Variants in PNPLA7 observed in about 807,000 individuals in gnomAD.
PNPLA7 encodes the protein patatin like domain 7, lysophospholipase.
Under a neutral mutation model 161.7 loss-of-function variants are expected in PNPLA7, and 153 were observed. The ratio of observed to expected loss-of-function variants is 0.95; its 90% confidence interval spans 0.83 to 1.08. The LOEUF (loss-of-function observed/expected upper bound fraction) is 1.08, where lower values mean the gene tolerates loss of function less well. Ranked by LOEUF, PNPLA7 falls within the 50% of genes least tolerant of loss-of-function variation. PNPLA7 has a pLI of 0.00. For missense variants in PNPLA7, 1,739 were observed against 1,856.6 expected, an observed-to-expected ratio of 0.94 and a Z score of 1.16; for synonymous variants, 809 against 782.1, an observed-to-expected ratio of 1.03 and a Z score of -0.57.
Position 137,476,202 on chromosome 9 carries a change from G to A in PNPLA7, c.2882+1832C>T, listed in dbSNP as rs556146476. ...AGTGGTATGTCCGAACATACCGAGA[G>A]GAGGTTAATGCCTGCCTCAGTGTCT... On this transcript the variant is annotated intron_variant, in intron 25 of 34. Coordinates refer to ENST00000406427, the MANE Select transcript of PNPLA7 (RefSeq NM_001098537.3). The surrounding 1 kb of genome is among the most constrained non-coding windows in gnomAD (Gnocchi z 4.5). Among the ~76,000 whole-genome samples, 64 of 152,314 alleles carry A rather than the reference G, an allele frequency of 4.2e-4. No homozygotes were observed. The highest frequency in any genetic ancestry group is 1.3e-3 in the African/African-American group (56 of 41,578).
chr9:137,492,415 G>T, intron 20 of PNPLA7: 8 of 189,804 alleles, frequency 4.2e-5, no homozygotes, highest in Non-Finnish European at 7.2e-5. Context: ...TTGAGATACA[G>T]TTTGAAAAAA....
intron 15 of PNPLA7, 75 bp downstream of exon 15, chr9:137,501,575 C>T (rs1330052520): frequency 1.4e-6 from 2 of 1,432,108 alleles, no homozygotes; most frequent in Non-Finnish European, 9.6e-7. Flanking sequence ...AGTCCAGGCC[C>T]TCCTCTGGTG....
chr9:137,502,253 A>G (rs927191003), intron 14 of PNPLA7, among the ~76,000 whole-genome samples: 8 of 152,136 alleles, frequency 5.3e-5, no homozygotes, highest in African/African-American at 1.9e-4. Context: ...AGGGTGAGGG[A>G]GCGTCTGCGG....
chr9:137,517,111 A>C (rs1588660282), intron 11 of PNPLA7, among the ~76,000 whole-genome samples: 1 of 117,668 alleles, frequency 8.5e-6, no homozygotes, highest in African/African-American at 3.3e-5. Context: ...TCCCTCACTC[A>C]CTCACTCCAC....
In PNPLA7 at chr9:137,500,805, C is replaced by T. The variant is rs778567963; in HGVS notation, c.1643G>A (p.Arg548His). 9.1e-5 allele frequency: 147 copies of T among 1,609,042 alleles called. No homozygotes were observed. The highest frequency in any genetic ancestry group is 1.2e-4 in the African/African-American group (9 of 74,912). The change falls in exon 16 of 35, where the codon CGC becomes CAC. Residue 548 changes from arginine (R) to histidine (H), a missense_variant. Transcript: ENST00000406427. The surrounding 1 kb of genome is among the most constrained non-coding windows in gnomAD (Gnocchi z 5.5). ...SQEDTCLFLT[R>H]PGEMVGQLAV... ...CAGCTGGCCCACCATCTCCCCGGGGCGCGTGAGGAACAAGCAGGTGTCCTC... is the reference window on the plus strand; with the variant it reads ...CAGCTGGCCCACCATCTCCCCGGGGTGCGTGAGGAACAAGCAGGTGTCCTC...
intron 20 of PNPLA7, among the ~76,000 whole-genome samples, chr9:137,489,872 C>T (rs927679918): frequency 3.3e-5 from 5 of 152,130 alleles, no homozygotes; most frequent in Non-Finnish European, 1.5e-5. Flanking sequence ...GACAATAACG[C>T]GAGGTCTAAC....
At chr9:137,516,809 C>A (rs1393482703) in intron 11 of PNPLA7, among the ~76,000 whole-genome samples, 1 of 151,032 alleles carries the variant, frequency 6.6e-6, no homozygotes, top group Non-Finnish European at 1.5e-5. Flanking sequence ...AAGAGCAAAA[C>A]CCTGTCTCAA....
At chr9:137,463,376 C>G (rs1391291911) in intron 29 of PNPLA7, 39 bp downstream of exon 29, 2 of 1,540,950 alleles carry the variant, frequency 1.3e-6, no homozygotes, top group Non-Finnish European at 1.8e-6. Context: ...GACCCAGGAG[C>G]CTGTGCTCCT....
intron 21 of PNPLA7, 46 bp downstream of exon 21, chr9:137,484,541 G>A (rs779685845): frequency 1.0e-5 from 16 of 1,528,312 alleles, no homozygotes; most frequent in Non-Finnish European, 1.2e-5. Context: ...CCCTCCACCA[G>A]GCCCAGAACC....
At position 137,523,263 on chromosome 9, in the gene PNPLA7, G is replaced by C. The variant is rs953405740; in HGVS notation, c.748-406C>G. 2.7e-4 allele frequency among the ~76,000 whole-genome samples: 40 copies of C among 150,658 alleles called. 1 individual carries two copies. Among genetic ancestry groups the C allele is most frequent in the Non-Finnish European group, 4.3e-4 (29 of 67,522 alleles). On this transcript the variant is annotated intron_variant, in intron 8 of 34. Transcript: ENST00000406427. The surrounding 1 kb of genome is among the most constrained non-coding windows in gnomAD (Gnocchi z 4.4). ...GCGTGCCAGACACCAACCTGAGCGG[G>C]CTTCCTAAAAAGGCCACCGAGAGGG...
intron 20 of PNPLA7, 93 bp downstream of exon 20, chr9:137,492,920 G>A: frequency 9.0e-7 from 1 of 1,105,332 alleles, no homozygotes; most frequent in Non-Finnish European, 1.3e-6. Context: ...GCGGGGCCAT[G>A]GGCTGGGAGG....
chr9:137,510,315 T>C (rs1386937241), intron 12 of PNPLA7, among the ~76,000 whole-genome samples: 1 of 152,214 alleles, frequency 6.6e-6, no homozygotes, highest in Non-Finnish European at 1.5e-5. Context: ...TGTGATGCTG[T>C]GCTTCAGTGG....
intron 4 of PNPLA7, among the ~76,000 whole-genome samples, chr9:137,546,218 G>A (rs755601250): frequency 1.4e-3 from 211 of 152,086 alleles, no homozygotes; most frequent in Non-Finnish European, 2.2e-3. Context: ...CTCTGTCTCG[G>A]CTGCCAGGCA....
intron 3 of PNPLA7, 61 bp from the exon 4 acceptor site, chr9:137,546,970 T>G (rs1401354115): frequency 2.0e-6 from 3 of 1,494,258 alleles, no homozygotes; most frequent in Middle Eastern, 1.7e-4. Context: ...GTCCTGGACA[T>G]GCAGGTGCAG....
intron 26 of PNPLA7, 145 bp from the exon 27 acceptor site, chr9:137,464,601 G>A (rs1042709000): frequency 1.9e-5 from 14 of 751,302 alleles, no homozygotes; most frequent in Admixed American, 1.1e-4. Flanking sequence ...GAGGCTTGGC[G>A]CCCTGGCTGG....
At chr9:137,483,389 C>T (rs1013872749) in intron 21 of PNPLA7, among the ~76,000 whole-genome samples, 9 of 152,204 alleles carry the variant, frequency 5.9e-5, no homozygotes, top group African/African-American at 1.9e-4. Flanking sequence ...CATGTAACGA[C>T]GGTCAAGGCC....
intron 8 of PNPLA7, 38 bp from the exon 9 acceptor site, chr9:137,522,895 C>G (rs760549345): frequency 6.2e-7 from 1 of 1,605,698 alleles, no homozygotes; most frequent in African/African-American, 1.3e-5. Context: ...CTCTGTGGGC[C>G]TGGCCAACCC....
intron 14 of PNPLA7, among the ~76,000 whole-genome samples, chr9:137,504,809 G>A (rs942864411): frequency 3.3e-5 from 5 of 152,190 alleles, no homozygotes; most frequent in Non-Finnish European, 7.3e-5. Flanking sequence ...GCTGTAAAGT[G>A]ATTAGCCATG....
In PNPLA7 at chr9:137,542,762, A is replaced by G; in HGVS notation, c.546T>C (p.Leu182=). The G allele has an allele frequency of 6.2e-7, 1 of 1,613,760 alleles. No individual in the cohort carries two copies. Among genetic ancestry groups the G allele is most frequent in the Non-Finnish European group, 8.5e-7 (1 of 1,179,982 alleles). ...GCTGCACAAAGACGATGTGTTTGCAAAGCTCCAGGAACAGCGGCTTCTCAA... is the reference window on the plus strand; with the variant it reads ...GCTGCACAAAGACGATGTGTTTGCAGAGCTCCAGGAACAGCGGCTTCTCAA... ...GHFEKPLFLE[L]CKHIVFVQLQ... The change falls in exon 7 of 35, where the codon CTT becomes CTC. Residue 182 remains leucine, a synonymous_variant. Coordinates refer to ENST00000406427, the MANE Select transcript of PNPLA7 (RefSeq NM_001098537.3).
Sources: allele counts gnomAD v4.1 joint callset (sites outside exome capture counted in the v4.1 genomes callset), GRCh38; gene constraint gnomAD v4.1.1; non-coding constraint Gnocchi (gnomAD v3.1); transcripts MANE v1.5; gene names NCBI Gene and HGNC (gene_info 2026-07-23, HGNC 2026-07-21).